TNRC6A: variants seen among roughly 807,000 people sequenced by gnomAD.
The protein encoded by TNRC6A is trinucleotide repeat-containing gene 6A protein.
A neutral mutation model predicts 221.2 loss-of-function variants in TNRC6A; 44 were observed. The observed-to-expected ratio is 0.20, with a 90% CI of 0.16 to 0.26. The LOEUF (loss-of-function observed/expected upper bound fraction) is 0.26. Ranked by LOEUF, TNRC6A falls within the 10% of genes least tolerant of loss-of-function variation. TNRC6A has a pLI of 1.00. For synonymous variants in TNRC6A, 847 were observed against 838.5 expected (o/e 1.01, Z -0.18); for missense variants, 2,199 against 2,404.4 (o/e 0.91, Z 1.79).
chr16:24,746,909 A>C (rs560433019), intron 2 of TNRC6A, among the ~76,000 whole-genome samples: 1 of 152,128 alleles, frequency 6.6e-6, no homozygotes, highest in Non-Finnish European at 1.5e-5. Context: ...GACTCTCACT[A>C]TGTTGCCCAT....
intron 1 of TNRC6A, among the ~76,000 whole-genome samples, chr16:24,617,726 G>C (rs928506097): frequency 6.6e-6 from 1 of 152,048 alleles, no homozygotes; most frequent in Non-Finnish European, 1.5e-5. Context: ...TGCCTTGTAA[G>C]TGGTCAAGCC....
At chr16:24,632,615 C>A (rs1901405320) in intron 1 of TNRC6A, among the ~76,000 whole-genome samples, 1 of 152,162 alleles carries the variant, frequency 6.6e-6, no homozygotes, top group African/African-American at 2.4e-5. Flanking sequence ...TCACTACAGA[C>A]TTTTCATCTT....
intron 2 of TNRC6A, among the ~76,000 whole-genome samples, chr16:24,747,061 G>A (rs917235649): frequency 1.1e-5 from 1 of 94,522 alleles, no homozygotes; most frequent in South Asian, 3.9e-4. Context: ...TTGAAGCTTA[G>A]CTTGATTTGT....
intron 19 of TNRC6A, 53 bp from the exon 20 acceptor site, chr16:24,816,763 G>A: frequency 1.3e-6 from 2 of 1,563,754 alleles, no homozygotes; most frequent in Non-Finnish European, 1.7e-6. Context: ...ATTTATTAAT[G>A]GATTTTAAAA....
chr16:24,674,716 A>G (rs969670496), intron 2 of TNRC6A, among the ~76,000 whole-genome samples: 5 of 151,332 alleles, frequency 3.3e-5, no homozygotes, highest in African/African-American at 1.2e-4. Context: ...ACACACACAC[A>G]CACACACACA....
chr16:24,682,860 C>T (rs2055559126), intron 2 of TNRC6A, among the ~76,000 whole-genome samples: 1 of 152,202 alleles, frequency 6.6e-6, no homozygotes, highest in African/African-American at 2.4e-5. Context: ...GCCCATCGAA[C>T]AGTGTATACA....
At chr16:24,762,262 G>A (rs1305527792) in intron 4 of TNRC6A, among the ~76,000 whole-genome samples, 1 of 151,992 alleles carries the variant, frequency 6.6e-6, no homozygotes, top group Non-Finnish European at 1.5e-5. Flanking sequence ...ATCAATTCTA[G>A]CCTTAATATT....
intron 2 of TNRC6A, among the ~76,000 whole-genome samples, chr16:24,689,857 C>T (rs956861942): frequency 2.0e-5 from 3 of 151,918 alleles, no homozygotes; most frequent in Non-Finnish European, 2.9e-5. Flanking sequence ...CTCAAGCGAT[C>T]ACCTGCCTCA....
intron 9 of TNRC6A, among the ~76,000 whole-genome samples, chr16:24,796,981 G>GC (rs147573703): frequency 0.031 from 4,644 of 152,248 alleles, 246 homozygotes; most frequent in African/African-American, 0.11. Flanking sequence ...TGTGTTCTTG[G>GC]CAACACAAAT....
intron 2 of TNRC6A, among the ~76,000 whole-genome samples, chr16:24,680,926 A>G (rs1015337572): frequency 4.0e-5 from 6 of 151,472 alleles, no homozygotes; most frequent in African/African-American, 1.5e-4. Flanking sequence ...CACTCGGCTA[A>G]TTAAAAAAAA....
At chr16:24,616,223 G>A (rs1900334735) in intron 1 of TNRC6A, among the ~76,000 whole-genome samples, 1 of 151,618 alleles carries the variant, frequency 6.6e-6, no homozygotes, top group Non-Finnish European at 1.5e-5. Flanking sequence ...CTACTCAGGA[G>A]GCTGAGGCAC....
rs1596795226 is a variant in TNRC6A at position 24,809,349 on chromosome 16, G to T, written c.4541-1G>T. The T allele has an allele frequency of 6.6e-7, 1 of 1,515,014 alleles. No homozygotes were observed. 93.8% of individuals were successfully genotyped at this position (1,515,014 alleles called of 1,614,324 possible). A position where few individuals can be genotyped will look rare whatever the true frequency, so the allele number is the denominator to read the frequency against. On this transcript the variant is annotated splice_acceptor_variant, in intron 17 of 24. Transcript: ENST00000395799. LOFTEE classifies it high-confidence loss of function. ...TTTTGTTTTGTTTTTTAATTTTTCA[G>T]GCTTGAACTCAAACTTGAATGTAAA...
chr16:24,815,459 C>T (rs2058637120), intron 19 of TNRC6A, 154 bp downstream of exon 19: 1 of 890,606 alleles, frequency 1.1e-6, no homozygotes, highest in African/African-American at 1.6e-5. Context: ...AAAAGTTAAG[C>T]ATGAAGTCTT....
intron 2 of TNRC6A, among the ~76,000 whole-genome samples, chr16:24,713,453 AAAATAT>A (rs1212378055): frequency 3.1e-4 from 27 of 87,750 alleles, no homozygotes; most frequent in African/African-American, 9.2e-4. Context: ...AACAAACAAA[AAAATAT>A]ATATATATAT....
intron 5 of TNRC6A, among the ~76,000 whole-genome samples, chr16:24,781,678 C>T (rs570703674): frequency 3.3e-5 from 5 of 152,106 alleles, no homozygotes; most frequent in Non-Finnish European, 7.4e-5. Context: ...TGCCCCGTAC[C>T]ACTTCCTCCT....
At chr16:24,645,073 T>C (rs1040531492) in intron 2 of TNRC6A, among the ~76,000 whole-genome samples, 1 of 152,264 alleles carries the variant, frequency 6.6e-6, no homozygotes, top group Non-Finnish European at 1.5e-5. Context: ...ATATGCAGGT[T>C]GTTCCAAAGA....
intron 2 of TNRC6A, among the ~76,000 whole-genome samples, chr16:24,731,953 G>T (rs1203232636): frequency 6.6e-6 from 1 of 152,216 alleles, no homozygotes; most frequent in African/African-American, 2.4e-5. Flanking sequence ...GTAAAGTGCT[G>T]TCCGTGTTCA....
intron 17 of TNRC6A, among the ~76,000 whole-genome samples, chr16:24,809,099 A>G (rs1019611038): frequency 5.9e-5 from 9 of 152,246 alleles, no homozygotes; most frequent in African/African-American, 2.2e-4. Flanking sequence ...AAACAGATAC[A>G]TTTTATTCCA....
chr16:24,809,430 G>A lies in TNRC6A; in HGVS notation c.4621G>A (p.Val1541Met), dbSNP rs751390206. 22 of 1,598,416 alleles carry A rather than the reference G, an allele frequency of 1.4e-5. No individual in the cohort carries two copies. The East Asian group carries it at 1.8e-4, about 13-fold the overall frequency. Residue 1541 changes from valine to methionine, a missense_variant, in exon 18 of 25, where the codon GTG becomes ATG. Physicochemically the swap from Val to Met is conservative, Grantham distance 21. Around this residue, in one of 8 missense-constraint regions of TNRC6A, gnomAD observed 449 missense variants for 579.7 expected, o/e 0.77. Coordinates refer to ENST00000395799, the MANE Select transcript of TNRC6A (RefSeq NM_014494.4). ...PQSRLRKWTT[V>M]DSISVNTSLD... ...GTCAAGACTAAGGAAGTGGACGACAGTGGACAGCATTTCTGTGAACACATC... is the reference window on the plus strand; with the variant it reads ...GTCAAGACTAAGGAAGTGGACGACAATGGACAGCATTTCTGTGAACACATC...
Sources: allele counts gnomAD v4.1 joint callset (sites outside exome capture counted in the v4.1 genomes callset), GRCh38; gene constraint gnomAD v4.1.1; regional missense constraint gnomAD v4.1.1; transcripts MANE v1.5; gene names NCBI Gene and HGNC (gene_info 2026-07-23, HGNC 2026-07-21).